The following CYGB variants were observed in gnomAD, a reference collection of about 807,000 sequenced individuals.
CYGB encodes the protein histoglobin.
Under a neutral mutation model 20.7 loss-of-function variants are expected in CYGB, and 13 were observed. That is an observed-to-expected ratio of 0.63 (90% CI 0.41 to 1.00). The LOEUF is 1.00. Ranked by LOEUF, CYGB falls within the 50% of genes least tolerant of loss-of-function variation. The pLI is 0.00. For synonymous variants in CYGB, 93 were observed against 107.4 expected (o/e 0.87, Z 0.83); for missense variants, 218 against 257.2 (o/e 0.85, Z 1.04).
chr17:76,534,823 G>C (rs2074897668), intron 1 of CYGB, among the ~76,000 whole-genome samples: 1 of 152,236 alleles, frequency 6.6e-6, no homozygotes, highest in Admixed American at 6.5e-5. Flanking sequence ...AGGAATGACA[G>C]TCTCAGGGAG....
rs951084606 is a variant in CYGB at position 76,530,101 on chromosome 17, T to C, written c.539+878A>G. On this transcript the variant is annotated intron_variant, in intron 3 of 3. Coordinates refer to ENST00000293230, the MANE Select transcript of CYGB (RefSeq NM_134268.5). This position sits in a 1 kb window ranked among gnomAD's most constrained non-coding sequence, Gnocchi z 6.1. Reference sequence around the variant, plus strand: ...CGCCGCCTTTTCCATGGGAAACTGCTGGGAATGTTTCTCTACCACGGGAAT... The same window carrying C: ...CGCCGCCTTTTCCATGGGAAACTGCCGGGAATGTTTCTCTACCACGGGAAT... 2.0e-6 allele frequency: 2 copies of C among 983,102 alleles called. No individual in the cohort carries two copies. Among genetic ancestry groups the C allele is most frequent in the Non-Finnish European group, 2.4e-6 (2 of 827,940 alleles). 60.9% of individuals were successfully genotyped at this position (983,102 alleles called of 1,614,324 possible).
intron 1 of CYGB, among the ~76,000 whole-genome samples, chr17:76,547,902 CAT>C (rs1218828775): frequency 5.0e-5 from 7 of 139,234 alleles, no homozygotes; most frequent in South Asian, 2.3e-4. Flanking sequence ...CACAGACACA[CAT>C]AACACATTCA....
In CYGB at chr17:76,537,324, C is replaced by G. The variant is rs985705126; in HGVS notation, c.143+76G>C. On this transcript the variant is annotated intron_variant, in intron 1 of 3. Transcript: ENST00000293230. ...GGGAGGTGGCGCTGGAGCTCGGACC[C>G]GGGCCCAGCCCTCCTCTGCCCGGAG... 13 of 1,429,842 alleles carry G rather than the reference C, an allele frequency of 9.1e-6. No individual in the cohort carries two copies. The African/African-American group carries it at 1.8e-4, about 20-fold the overall frequency. The allele number at this position is 1,429,842 out of a possible 1,614,324, so 88.6% of individuals were successfully genotyped here.
chr17:76,536,852 T>C (rs946299663), intron 1 of CYGB, among the ~76,000 whole-genome samples: 29 of 152,116 alleles, frequency 1.9e-4, no homozygotes, highest in African/African-American at 6.8e-4. Context: ...GCCCGTGCCC[T>C]CCAGCGGGAA....
At chr17:76,544,031 C>T (rs1249474974) in intron 1 of CYGB, 1 of 455,154 alleles carries the variant, frequency 2.2e-6, no homozygotes, top group South Asian at 1.6e-5. Context: ...TCAGTCCCGG[C>T]GGCTGCCTCC....
chr17:76,535,510 G>T (rs2074904466), intron 1 of CYGB, among the ~76,000 whole-genome samples: 1 of 152,184 alleles, frequency 6.6e-6, no homozygotes, highest in Non-Finnish European at 1.5e-5. Flanking sequence ...GGCTGGCAGG[G>T]AGTGGCTGAG....
chr17:76,531,041 G>A lies in CYGB; in HGVS notation c.477C>T (p.Tyr159=), dbSNP rs754390163. ...CCTTGTAGGCAGCGGTCACGTGGCT[G>A]TAGATGAGGCCACGCAGCTTGGCCC... The part of the protein sequence containing the change: ...RAWAKLRGLI[Y]SHVTAAYKEV... The change falls in exon 3 of 4, where the codon TAC becomes TAT. Residue 159 remains tyrosine, a synonymous_variant. Transcript: ENST00000293230. The surrounding 1 kb of genome is among the most constrained non-coding windows in gnomAD (Gnocchi z 7.4). The A allele has an allele frequency of 8.7e-6, 14 of 1,613,438 alleles. No homozygotes were observed. Among genetic ancestry groups the A allele is most frequent in the East Asian group, 6.7e-5 (3 of 44,866 alleles).
At chr17:76,534,375 C>T (rs1330804826) in intron 1 of CYGB, among the ~76,000 whole-genome samples, 1 of 152,154 alleles carries the variant, frequency 6.6e-6, no homozygotes, top group East Asian at 1.9e-4. Flanking sequence ...GACGGGGTTT[C>T]GCCATGCTGG....
At chr17:76,536,368 G>A (rs1394463371) in intron 1 of CYGB, among the ~76,000 whole-genome samples, 2 of 152,184 alleles carry the variant, frequency 1.3e-5, no homozygotes, top group African/African-American at 4.8e-5. Context: ...CCCTTCCAGA[G>A]CGAGGCTTCA....
chr17:76,529,737 C>T, intron 3 of CYGB: 1 of 985,368 alleles, frequency 1.0e-6, no homozygotes. Context: ...GAGGGGGCAA[C>T]CACTGCTCTC....
intron 1 of CYGB, among the ~76,000 whole-genome samples, chr17:76,532,774 C>T (rs780445665): frequency 6.6e-6 from 1 of 151,858 alleles, no homozygotes; most frequent in African/African-American, 2.4e-5. Flanking sequence ...TGACCTCAGG[C>T]GATCCGCCTG....
intron 1 of CYGB, among the ~76,000 whole-genome samples, chr17:76,534,440 A>C (rs1273237330): frequency 3.3e-5 from 5 of 152,176 alleles, no homozygotes; most frequent in African/African-American, 4.8e-5. Context: ...CGGCCTCACA[A>C]AGTGCTGGGA....
intron 1 of CYGB, among the ~76,000 whole-genome samples, chr17:76,549,680 C>T (rs767652553): frequency 6.6e-6 from 1 of 152,204 alleles, no homozygotes; most frequent in African/African-American, 2.4e-5. Flanking sequence ...CCAAATATTC[C>T]TCGACGTGGG....
At chr17:76,534,419 T>C (rs1463964492) in intron 1 of CYGB, among the ~76,000 whole-genome samples, 1 of 152,236 alleles carries the variant, frequency 6.6e-6, no homozygotes, top group Admixed American at 6.5e-5. Context: ...CCTCCGGTGA[T>C]CTGCCTGCCT....
upstream of CYGB, chr17:76,538,013 G>C (rs1256371213): frequency 6.6e-6 from 1 of 151,464 alleles, no homozygotes; most frequent in East Asian, 1.9e-4. Flanking sequence ...GGCGGCGCGG[G>C]CCGCACAGGA....
At chr17:76,540,260 G>GGGGGCA, upstream of CYGB, 1 of 933,210 alleles carries the variant, frequency 1.1e-6, no homozygotes, top group Non-Finnish European at 1.7e-6. The surrounding 1 kb of genome is among the most constrained non-coding windows in gnomAD (Gnocchi z 5.0). Flanking sequence ...TCGGGGGGGG[G>GGGGGCA]GGGCATGGGG....
At chr17:76,538,662 C>T (rs2074951510), upstream of CYGB, among the ~76,000 whole-genome samples, 2 of 152,264 alleles carry the variant, frequency 1.3e-5, no homozygotes, top group Admixed American at 1.3e-4. Context: ...GGGCCCGATT[C>T]CGGGCCTGGG....
chr17:76,544,192 A>AC (rs777880280), intron 1 of CYGB: 14 of 449,430 alleles, frequency 3.1e-5, no homozygotes, highest in East Asian at 7.0e-5. Flanking sequence ...GTCTTCAAAA[A>AC]CCCCCCGTGC....
chr17:76,543,169 C>G (rs777650312), intron 1 of CYGB: 1 of 460,692 alleles, frequency 2.2e-6, no homozygotes, highest in Non-Finnish European at 4.5e-6. Flanking sequence ...CCCCTTCCCC[C>G]AGGCCCTGGG....
Sources: allele counts gnomAD v4.1 joint callset (sites outside exome capture counted in the v4.1 genomes callset), GRCh38; gene constraint gnomAD v4.1.1; non-coding constraint Gnocchi (gnomAD v3.1); transcripts MANE v1.5; gene names NCBI Gene and HGNC (gene_info 2026-07-23, HGNC 2026-07-21).